RBM19: variants seen among roughly 807,000 people sequenced by gnomAD.
RBM19 encodes the protein RNA binding motif protein 19, also known as probable RNA-binding protein 19.
In RBM19, 94 loss-of-function variants were observed where a neutral mutation model predicts 116.8. The observed-to-expected ratio is 0.80, with a 90% CI of 0.68 to 0.95. The LOEUF is 0.95. RBM19 is among the 40% of genes least tolerant of loss of function. The pLI, the probability that RBM19 is intolerant of heterozygous loss-of-function variation, is 0.00. For missense variants in RBM19, 1,161 were observed against 1,220.7 expected (o/e 0.95, Z 0.73); for synonymous variants, 475 against 494.1 (o/e 0.96, Z 0.51).
At chr12:113,871,789 A>C (rs1039681610) in intron 21 of RBM19, among the ~76,000 whole-genome samples, 1 of 152,204 alleles carries the variant, frequency 6.6e-6, no homozygotes, top group Non-Finnish European at 1.5e-5. Context: ...TGGTTAGAAA[A>C]GGCACTGTGT....
intron 23 of RBM19, among the ~76,000 whole-genome samples, chr12:113,828,681 G>A (rs1875094273): frequency 6.6e-6 from 1 of 152,176 alleles, no homozygotes; most frequent in Non-Finnish European, 1.5e-5. Flanking sequence ...GCCATGATGT[G>A]GGTACCGCAG....
intron 21 of RBM19, among the ~76,000 whole-genome samples, chr12:113,879,605 T>C (rs1294598379): frequency 2.6e-5 from 4 of 151,826 alleles, no homozygotes. Flanking sequence ...GCTTCCACCA[T>C]GGCTGGATGG....
At chr12:113,857,572 C>T (rs915985968) in intron 22 of RBM19, among the ~76,000 whole-genome samples, 6 of 152,266 alleles carry the variant, frequency 3.9e-5, no homozygotes, top group Non-Finnish European at 8.8e-5. Context: ...GGTGTGTCCC[C>T]TGCTGTCTCT....
chr12:113,855,543 C>T lies in RBM19; in HGVS notation c.2664+3248G>A, dbSNP rs114117655. Among the ~76,000 whole-genome samples the T allele has an allele frequency of 5.7e-3, 869 of 152,204 alleles. 9 individuals are homozygous for T. The highest frequency in any genetic ancestry group is 0.02 in the African/African-American group (817 of 41,546). ...CAGGAAATGGGATCAATGCCCTTGG[C>T]GGGGGATCTGAGTGGGTCAGGGTTG... On this transcript the variant is annotated intron_variant, in intron 22 of 23. Coordinates refer to ENST00000261741, the MANE Select transcript of RBM19 (RefSeq NM_016196.4).
chr12:113,952,361 A>G (rs1178893820), intron 8 of RBM19, 151 bp downstream of exon 8: 2 of 662,982 alleles, frequency 3.0e-6, no homozygotes, highest in East Asian at 5.6e-5. Flanking sequence ...ATGCAGCCTT[A>G]ACCTGCCCAG....
chr12:113,830,339 C>G (rs904926170), intron 23 of RBM19, among the ~76,000 whole-genome samples: 1 of 152,138 alleles, frequency 6.6e-6, no homozygotes, highest in Non-Finnish European at 1.5e-5. Flanking sequence ...CTGGGGTGAG[C>G]ACGGGATATG....
At chr12:113,933,456 G>A (rs1314283234) in intron 16 of RBM19, among the ~76,000 whole-genome samples, 1 of 152,214 alleles carries the variant, frequency 6.6e-6, no homozygotes, top group Non-Finnish European at 1.5e-5. Flanking sequence ...AGCTCTGTGG[G>A]AATTCACCGA....
chr12:113,874,714 G>A (rs1022122551), intron 21 of RBM19, among the ~76,000 whole-genome samples: 1 of 152,198 alleles, frequency 6.6e-6, no homozygotes, highest in African/African-American at 2.4e-5. Context: ...TAGGGAAGGC[G>A]GCTTCTGAAG....
intron 16 of RBM19, among the ~76,000 whole-genome samples, chr12:113,933,813 G>A (rs1396976845): frequency 1.3e-5 from 2 of 152,172 alleles, no homozygotes; most frequent in Non-Finnish European, 1.5e-5. Context: ...CAGCTCTATT[G>A]TCCTCCACAG....
chr12:113,873,094 G>A (rs1428835221), intron 21 of RBM19, among the ~76,000 whole-genome samples: 4 of 110,254 alleles, frequency 3.6e-5, no homozygotes, highest in South Asian at 7.5e-4. Context: ...CGCCCCGTCC[G>A]GGAGGTGAGG....
At chr12:113,852,537 C>T (rs987961042) in intron 22 of RBM19, among the ~76,000 whole-genome samples, 9 of 152,192 alleles carry the variant, frequency 5.9e-5, no homozygotes, top group African/African-American at 2.2e-4. Context: ...CCTGAATTTG[C>T]TTTCGGTTAA....
rs187017245 is a variant in RBM19 at position 113,946,763 on chromosome 12, G to C, written c.1408-288C>G. On this transcript the variant is annotated intron_variant, in intron 11 of 23. Transcript: ENST00000261741. Reference sequence around the variant, plus strand: ...GCCTCTCAAGCCTGCATCGCATCCTGTCCCTGCACCAGTGAGTAAGAATGT... The same window carrying C: ...GCCTCTCAAGCCTGCATCGCATCCTCTCCCTGCACCAGTGAGTAAGAATGT... 1.7e-3 allele frequency among the ~76,000 whole-genome samples: 263 copies of C among 152,364 alleles called. 3 individuals are homozygous for C. The highest frequency in any genetic ancestry group is 3.4e-3 in the Middle Eastern group (1 of 294).
intron 1 of RBM19, 39 bp from the exon 2 acceptor site, chr12:113,962,453 G>A (rs766966352): frequency 7.0e-6 from 11 of 1,581,718 alleles, no homozygotes; most frequent in African/African-American, 2.7e-5. Flanking sequence ...GAACTGGAAA[G>A]TCCCCAGAGC....
At chr12:113,872,240 G>A (rs1404136805) in intron 21 of RBM19, among the ~76,000 whole-genome samples, 3 of 145,188 alleles carry the variant, frequency 2.1e-5, no homozygotes, top group South Asian at 2.4e-4. Flanking sequence ...GGTGAGGAGC[G>A]TCTCTGCCTG....
intron 21 of RBM19, among the ~76,000 whole-genome samples, chr12:113,876,997 G>T (rs774003040): frequency 7.2e-5 from 11 of 152,178 alleles, no homozygotes; most frequent in Admixed American, 5.2e-4. Context: ...GGAAAGGGAA[G>T]GTGCTTGCCC....
At chr12:113,883,650 T>C (rs1402444353) in intron 21 of RBM19, among the ~76,000 whole-genome samples, 1 of 152,260 alleles carries the variant, frequency 6.6e-6, no homozygotes, top group Non-Finnish European at 1.5e-5. Flanking sequence ...TTAGGTAACC[T>C]GGCCAAGGCC....
At chr12:113,884,857 T>A (rs1880414592) in intron 21 of RBM19, among the ~76,000 whole-genome samples, 1 of 151,850 alleles carries the variant, frequency 6.6e-6, no homozygotes, top group African/African-American at 2.4e-5. Flanking sequence ...CAAAACAAAA[T>A]AAATAATGAT....
At chr12:113,872,980 C>T (rs1593515568) in intron 21 of RBM19, among the ~76,000 whole-genome samples, 7 of 100,734 alleles carry the variant, frequency 6.9e-5, no homozygotes, top group East Asian at 3.6e-4. Flanking sequence ...AGGTGAGGGG[C>T]GCCTCTGCCC....
At chr12:113,895,085 G>A (rs1406870824) in intron 21 of RBM19, among the ~76,000 whole-genome samples, 1 of 152,250 alleles carries the variant, frequency 6.6e-6, no homozygotes, top group Non-Finnish European at 1.5e-5. Flanking sequence ...TTGCAAGGAT[G>A]AAACAGGGCC....
Sources: gnomAD v4.1 joint callset for allele counts (sites outside exome capture counted in the v4.1 genomes callset) on GRCh38, gnomAD v4.1.1 for gene constraint, MANE v1.5 for transcripts, NCBI Gene and HGNC (gene_info 2026-07-23, HGNC 2026-07-21) for gene names.